MUC17: variants seen among roughly 807,000 people sequenced by gnomAD.
MUC17 encodes the protein mucin-17.
A neutral mutation model predicts 170.3 loss-of-function variants in MUC17; 190 were observed. The observed-to-expected ratio is 1.12, with a 90% CI of 0.99 to 1.26. MUC17 has a LOEUF of 1.26. Among genes scored for constraint, MUC17 ranks in the 50% most tolerant of loss-of-function variants. The probability of loss-of-function intolerance (pLI) is 0.00; values close to 1 mark genes in which losing one functional copy is unlikely to be tolerated. For synonymous variants in MUC17, 2,325 were observed against 2,002.5 expected (o/e 1.16, Z -4.30); for missense variants, 6,415 against 5,530.0 (o/e 1.16, Z -5.08).
chr7:101,048,269 C>T, intron 4 of MUC17, 154 bp downstream of exon 4: 1 of 714,172 alleles, frequency 1.4e-6, no homozygotes, highest in Non-Finnish European at 2.0e-6. Context: ...TTTGTTTCCA[C>T]CCAGTGCTAT....
Position 101,032,253 on chromosome 7 carries a change from A to G in MUC17, c.837A>G (p.Arg279=). Residue 279 remains arginine, a synonymous_variant, in exon 3 of 13, where the codon AGA becomes AGG. Transcript: ENST00000306151. ...APSGGSTPLT[R]MPLSVMLVVS... is the part of the protein sequence containing the mutation. ...GTGGAGGAAGCACTCCATTAACAAG[A>G]ATGCCTCTCAGCGTGATGCTGGTGG... 6.2e-7 allele frequency: 1 copy of G among 1,613,034 alleles called. No homozygotes were observed. The highest frequency in any genetic ancestry group is 1.7e-4 in the Middle Eastern group (1 of 6,060).
Position 101,034,432 on chromosome 7 carries a change from ACTC to A in MUC17, c.3019_3021del (p.Pro1007del). On this transcript the variant is annotated inframe_deletion, in exon 3 of 13. Transcript: ENST00000306151. ...TTCTGAGGCTAGCACCCTTTCAACA[ACTC>A]CTGTTGACTCCAACACTCCTTTGAC... 1 of 1,606,592 alleles carries A rather than the reference ACTC, an allele frequency of 6.2e-7. No homozygotes were observed. Among genetic ancestry groups the A allele is most frequent in the East Asian group, 2.3e-5 (1 of 44,116 alleles).
At chr7:101,046,840 G>T (rs1218247303) in intron 3 of MUC17, among the ~76,000 whole-genome samples, 1 of 152,074 alleles carries the variant, frequency 6.6e-6, no homozygotes, top group Admixed American at 6.6e-5. Context: ...AGCACTTTGG[G>T]AGGCTGAGGT....
rs114041742 is a variant in MUC17 at position 101,052,376 on chromosome 7, G to A, written c.13103+414G>A. On this transcript the variant is annotated intron_variant, in intron 9 of 12. Transcript: ENST00000306151. ...AGCCCAGTCACAGAGGTAAGAAAGCGAAGAAAAACATTGTCACTTTAAACA... is the reference window on the plus strand; with the variant it reads ...AGCCCAGTCACAGAGGTAAGAAAGCAAAGAAAAACATTGTCACTTTAAACA... Among the ~76,000 whole-genome samples the A allele has an allele frequency of 1.9e-3, 284 of 152,284 alleles. 1 individual carries two copies. The highest frequency in any genetic ancestry group is 6.5e-3 in the African/African-American group (269 of 41,570).
At chr7:101,025,939 C>G (rs981103080) in intron 1 of MUC17, among the ~76,000 whole-genome samples, 1 of 151,984 alleles carries the variant, frequency 6.6e-6, no homozygotes, top group Non-Finnish European at 1.5e-5. Flanking sequence ...AACAGTGAGA[C>G]CTTGTCTCAA....
rs775132483 is a variant in MUC17 at position 101,032,767 on chromosome 7, A to G, written c.1351A>G (p.Ser451Gly). The G allele has an allele frequency of 6.2e-7, 1 of 1,614,176 alleles. No homozygotes were observed. Among genetic ancestry groups the G allele is most frequent in the Admixed American group, 1.7e-5 (1 of 60,034 alleles). ...TGCAACCTCAACTCCTAGTGAAGGA[A>G]GCACTCCATTAACAAGTATGCCTGT... ...SIATSTPSEG[S>G]TPLTSMPVST... Residue 451 changes from serine to glycine, a missense_variant, in exon 3 of 13, where the codon AGC (serine) becomes GGC (glycine). Coordinates refer to ENST00000306151, the MANE Select transcript of MUC17 (RefSeq NM_001040105.2).
intron 11 of MUC17, among the ~76,000 whole-genome samples, chr7:101,055,434 G>A (rs753921393): frequency 1.3e-5 from 2 of 151,754 alleles, no homozygotes; most frequent in African/African-American, 4.8e-5. Flanking sequence ...AGAATTACTA[G>A]GTATAAAAAT....
Position 101,035,867 on chromosome 7 carries a change from G to A in MUC17, c.4451G>A (p.Ser1484Asn), listed in dbSNP as rs370710978. 6.4e-5 allele frequency: 103 copies of A among 1,604,364 alleles called. No homozygotes were observed. Among genetic ancestry groups the A allele is most frequent in the Non-Finnish European group, 8.5e-5 (100 of 1,174,620 alleles). Residue 1484 changes from serine (S) to asparagine (N), a missense_variant, in exon 3 of 13, where the codon AGT (serine) becomes AAT (asparagine). Transcript: ENST00000306151. ...TLSTTPVDSN[S>N]PVVTSTAVSS... ...TCAACAACTCCTGTTGACTCTAACA[G>A]TCCTGTGGTCACTTCTACAGCAGTC... is the stretch of plus-strand genomic sequence containing the variant.
rs201302333 is a variant in MUC17, at chr7:101,039,880, G to C, written c.8464G>C (p.Val2822Leu). The part of the protein sequence containing the change: ...LTSMPVNHTP[V>L]ASSEAGTLST... ...TAGTATGCCTGTCAACCACACGCCA[G>C]TGGCCAGTTCTGAGGCTGGCACCCT... is the stretch of plus-strand genomic sequence containing the variant. Residue 2822 changes from valine (V) to leucine (L), a missense_variant, in exon 3 of 13, where the codon GTG (valine) becomes CTG (leucine). By Grantham distance (32) the Val-to-Leu change is conservative (BLOSUM62 1). Coordinates refer to ENST00000306151, the MANE Select transcript of MUC17 (RefSeq NM_001040105.2). The C allele has an allele frequency of 3.7e-6, 6 of 1,610,798 alleles. No individual in the cohort carries two copies. In the South Asian group the frequency reaches 4.4e-5, roughly 12 times the overall value.
intron 7 of MUC17, among the ~76,000 whole-genome samples, chr7:101,050,890 G>A (rs1225861774): frequency 6.6e-6 from 1 of 152,068 alleles, no homozygotes; most frequent in Non-Finnish European, 1.5e-5. Flanking sequence ...GAGAGAGTAG[G>A]AGAACATGGA....
rs767477435 is a variant in MUC17, at chr7:101,043,752, T to G, written c.12336T>G (p.Ala4112=). The G allele has an allele frequency of 6.2e-7, 1 of 1,614,114 alleles. No individual in the cohort carries two copies. Among genetic ancestry groups the G allele is most frequent in the Non-Finnish European group, 8.5e-7 (1 of 1,180,010 alleles). The change falls in exon 3 of 13, where the codon GCT becomes GCG. Residue 4112 remains alanine (A), a synonymous_variant. Transcript: ENST00000306151. ...CCTTCCCCACGGTGACCACCACCGC[T>G]GTCCCCACGAATACTACAATTAAGA... ...TTSFPTVTTT[A]VPTNTTIKSN... is the part of the protein sequence containing the mutation.
Position 101,038,698 on chromosome 7 carries a change from G to C in MUC17, c.7282G>C (p.Val2428Leu). Residue 2428 changes from valine to leucine, a missense_variant, in exon 3 of 13, where the codon GTC becomes CTC. Physicochemically the swap from Val to Leu is conservative, Grantham distance 32 (BLOSUM62 1). Transcript: ENST00000306151. ...STTPVDTSTP[V>L]TTSTEASSSP... The stretch of plus-strand genomic sequence containing the variant: ...AACTCCTGTTGACACCAGCACACCT[G>C]TCACCACTTCTACTGAAGCCAGTTC... 2 of 1,603,032 alleles carry C rather than the reference G, an allele frequency of 1.2e-6. No individual in the cohort carries two copies. The highest frequency in any genetic ancestry group is 1.7e-6 in the Non-Finnish European group (2 of 1,176,706).
Position 101,032,075 on chromosome 7 carries a change from G to T in MUC17, c.659G>T (p.Ser220Ile). 6.2e-7 allele frequency: 1 copy of T among 1,614,026 alleles called. No individual in the cohort carries two copies. The highest frequency in any genetic ancestry group is 8.5e-7 in the Non-Finnish European group (1 of 1,179,992). ...TNSEGSTPLT[S>I]MPASTMKVAS... is the part of the protein sequence containing the mutation. Reference sequence around the variant, plus strand: ...AGTGAAGGAAGCACTCCATTAACAAGTATGCCTGCCAGCACCATGAAGGTG... The same window carrying T: ...AGTGAAGGAAGCACTCCATTAACAATTATGCCTGCCAGCACCATGAAGGTG... The change falls in exon 3 of 13, where the codon AGT becomes ATT. Residue 220 changes from serine (S) to isoleucine (I), a missense_variant. Transcript: ENST00000306151.
intron 1 of MUC17, among the ~76,000 whole-genome samples, chr7:101,027,997 TCC>T (rs1177335285): frequency 1.3e-5 from 2 of 152,052 alleles, no homozygotes; most frequent in African/African-American, 4.8e-5. Flanking sequence ...GGTCTCGAAC[TCC>T]TGGGCTCAAG....
rs544256499 is a variant in MUC17 at position 101,057,520 on chromosome 7, A to G, written c.13441-483A>G. On this transcript the variant is annotated intron_variant, in intron 12 of 12. Coordinates refer to ENST00000306151, the MANE Select transcript of MUC17 (RefSeq NM_001040105.2). ...AACTTCGTGAGGCCAAGGCAGGAAG[A>G]TTGTCTGAAGTCAGGAGTTTAGGAC... 4.6e-5 allele frequency among the ~76,000 whole-genome samples: 7 copies of G among 152,304 alleles called. No homozygotes were observed. The East Asian group carries it at 1.4e-3, about 29-fold the overall frequency.
rs768571153 is a variant in MUC17, at chr7:101,048,953, A to G, written c.12644A>G (p.Lys4215Arg). ...NHSSQEFQEF[K>R]QTFTEQMNIV... The stretch of plus-strand genomic sequence containing the variant: ...TCTTCCCAGGAATTCCAGGAGTTCA[A>G]ACAGACATTCACGGAACAGGTAAGT... Residue 4215 changes from lysine to arginine, a missense_variant, in exon 5 of 13, where the codon AAA becomes AGA. Transcript: ENST00000306151. 1 of 1,614,090 alleles carries G rather than the reference A, an allele frequency of 6.2e-7. No homozygotes were observed. Among genetic ancestry groups the G allele is most frequent in the East Asian group, 2.2e-5 (1 of 44,894 alleles).
rs549698655 is a variant in MUC17 at position 101,039,466 on chromosome 7, A to G, written c.8050A>G (p.Thr2684Ala). The G allele has an allele frequency of 3.7e-6, 6 of 1,611,374 alleles. No homozygotes were observed. Among genetic ancestry groups the G allele is most frequent in the South Asian group, 3.3e-5 (3 of 90,736 alleles). Residue 2684 changes from threonine (T) to alanine (A), a missense_variant, in exon 3 of 13, where the codon ACC becomes GCC. Physicochemically the swap from Thr to Ala is moderately conservative, Grantham distance 58. Transcript: ENST00000306151. ...AACTGCTGAAGGTAGCAGCATGCCAACCTCAACTCCTGGTGAAAGAAGCAC... is the reference window on the plus strand; with the variant it reads ...AACTGCTGAAGGTAGCAGCATGCCAGCCTCAACTCCTGGTGAAAGAAGCAC... ...PTTAEGSSMP[T>A]STPGERSTPL...
At position 101,031,946 on chromosome 7, in the gene MUC17, C is replaced by G. The variant is rs372923916; in HGVS notation, c.530C>G (p.Ser177Cys). ...CTTCCCAGTTTTGAGGCCTACACAT[C>G]TTTAACATATAAGGTTGATATGAGC... is the stretch of plus-strand genomic sequence containing the variant. The part of the protein sequence containing the change: ...APLPSFEAYT[S>C]LTYKVDMSTP... Residue 177 changes from serine to cysteine, a missense_variant, in exon 3 of 13, where the codon TCT becomes TGT. Transcript: ENST00000306151. 2 of 1,614,006 alleles carry G rather than the reference C, an allele frequency of 1.2e-6. No individual in the cohort carries two copies. Among genetic ancestry groups the G allele is most frequent in the Non-Finnish European group, 8.5e-7 (1 of 1,180,044 alleles).
rs1794621301 is a variant in MUC17, at chr7:101,039,684, A to T, written c.8268A>T (p.Ile2756=). Residue 2756 remains isoleucine (I), a synonymous_variant, in exon 3 of 13, where the codon ATA becomes ATT. Coordinates refer to ENST00000306151, the MANE Select transcript of MUC17 (RefSeq NM_001040105.2). ...PSDGSTPLTS[I]LVSTLPVASS... ...ATGGAAGTACTCCATTAACAAGTAT[A>T]CTTGTCAGCACCCTGCCAGTGGCCA... 3.1e-6 allele frequency: 5 copies of T among 1,612,290 alleles called. 1 individual carries two copies. The highest frequency in any genetic ancestry group is 2.5e-6 in the Non-Finnish European group (3 of 1,179,442).
Sources: gnomAD v4.1 joint callset for allele counts (sites outside exome capture counted in the v4.1 genomes callset) on GRCh38, gnomAD v4.1.1 for gene constraint, MANE v1.5 for transcripts, NCBI Gene and HGNC (gene_info 2026-07-23, HGNC 2026-07-21) for gene names.